Variants in STX8 observed in about 807,000 individuals in gnomAD.
The protein encoded by STX8 is syntaxin 8, also known as syntaxin-8.
STX8 carries 23 observed loss-of-function variants against 37.5 expected under a neutral mutation model. That is an observed-to-expected ratio of 0.61 (90% CI 0.44 to 0.87). The LOEUF is 0.87. STX8 is among the 40% of genes least tolerant of loss of function. The pLI, the probability that STX8 is intolerant of heterozygous loss-of-function variation, is 0.00. For synonymous variants in STX8, 115 were observed against 99.1 expected (o/e 1.16, Z -0.95); for missense variants, 313 against 284.7 (o/e 1.10, Z -0.71).
chr17:9,328,769 G>C (rs1343038640), intron 7 of STX8, among the ~76,000 whole-genome samples: 1 of 152,052 alleles, frequency 6.6e-6, no homozygotes, highest in African/African-American at 2.4e-5. Flanking sequence ...GGTGGCTGAG[G>C]CCGGATGCGG....
chr17:9,264,944 T>C (rs1357821090), intron 7 of STX8, among the ~76,000 whole-genome samples: 1 of 151,368 alleles, frequency 6.6e-6, no homozygotes, highest in Admixed American at 6.6e-5. Flanking sequence ...GGAGACCTCA[T>C]CTCTACAAAA....
At chr17:9,568,508 T>TC (rs763797260) in intron 1 of STX8, 38 bp from the exon 2 acceptor site, 6 of 1,558,472 alleles carry the variant, frequency 3.8e-6, no homozygotes, top group Admixed American at 3.5e-5. Context: ...TGTTTAAGGT[T>TC]CTTTTTTTTT....
intron 4 of STX8, among the ~76,000 whole-genome samples, chr17:9,544,468 A>T (rs945509382): frequency 2.0e-5 from 3 of 152,080 alleles, no homozygotes; most frequent in African/African-American, 7.2e-5. Context: ...GCCCCGGACC[A>T]GTCTTATTAG....
chr17:9,324,145 CACACACACACAA>C (rs899121666), intron 7 of STX8, among the ~76,000 whole-genome samples: 11 of 151,748 alleles, frequency 7.2e-5, no homozygotes, highest in Non-Finnish European at 1.3e-4. Context: ...CACACACACA[CACACACACACAA>C]ACACAAACAC....
chr17:9,418,745 T>C (rs1212317577), intron 6 of STX8, among the ~76,000 whole-genome samples: 3 of 140,294 alleles, frequency 2.1e-5, no homozygotes, highest in African/African-American at 7.9e-5. Context: ...GAGAATGGCA[T>C]GAACGTGGGA....
rs545248752 is a variant in STX8 at position 9,467,908 on chromosome 17, G to C, written c.541+23921C>G. ...GATCTTGAAGTAGTGGGAGCTATAG[G>C]ACAGATTCCAGTTGTTTTCAAACAA... On this transcript the variant is annotated intron_variant, in intron 6 of 7. Coordinates refer to ENST00000306357, the MANE Select transcript of STX8 (RefSeq NM_004853.3). Among the ~76,000 whole-genome samples, 25 of 152,272 alleles carry C rather than the reference G, an allele frequency of 1.6e-4. No homozygotes were observed. In the East Asian group the frequency reaches 4.8e-3, roughly 29 times the overall value.
chr17:9,281,231 G>A (rs79280959), intron 7 of STX8, among the ~76,000 whole-genome samples: 3,223 of 152,276 alleles, frequency 0.021, 52 homozygotes, highest in Middle Eastern at 0.037. Context: ...TCAAGGTGAG[G>A]CTGTGGGAAG....
chr17:9,269,059 C>T (rs560384492), intron 7 of STX8, among the ~76,000 whole-genome samples: 26 of 151,986 alleles, frequency 1.7e-4, no homozygotes, highest in East Asian at 1.9e-4. Flanking sequence ...TGGTGGCGGG[C>T]GCCTGTAGTC....
At chr17:9,448,124 G>A (rs1459620753) in intron 6 of STX8, among the ~76,000 whole-genome samples, 1 of 149,534 alleles carries the variant, frequency 6.7e-6, no homozygotes, top group Non-Finnish European at 1.5e-5. Context: ...GCAGTGAGCC[G>A]AGATTGTGCC....
At chr17:9,396,493 C>T (rs1912408142) in intron 6 of STX8, among the ~76,000 whole-genome samples, 4 of 151,918 alleles carry the variant, frequency 2.6e-5, no homozygotes. Context: ...GGCGGGTCAT[C>T]TGAGGTCAGG....
At chr17:9,424,467 CCT>C (rs1913553963) in intron 6 of STX8, among the ~76,000 whole-genome samples, 1 of 152,040 alleles carries the variant, frequency 6.6e-6, no homozygotes, top group African/African-American at 2.4e-5. Context: ...GCCTCCAGGC[CCT>C]CTCTCTGCCT....
chr17:9,490,845 C>T (rs557759356), intron 6 of STX8, among the ~76,000 whole-genome samples: 1 of 152,320 alleles, frequency 6.6e-6, no homozygotes, highest in East Asian at 1.9e-4. Context: ...CTCTGTCACT[C>T]ATAAGCGATG....
chr17:9,391,081 C>A (rs976906825), intron 6 of STX8, among the ~76,000 whole-genome samples: 4 of 152,046 alleles, frequency 2.6e-5, no homozygotes, highest in Admixed American at 2.6e-4. Context: ...ACAACCTACA[C>A]AGAAGAATAT....
At chr17:9,268,548 C>G (rs1202688353) in intron 7 of STX8, among the ~76,000 whole-genome samples, 1 of 152,184 alleles carries the variant, frequency 6.6e-6, no homozygotes, top group African/African-American at 2.4e-5. Context: ...AGTACTATCC[C>G]CAAACAATTC....
At chr17:9,423,833 G>A (rs1005550518) in intron 6 of STX8, among the ~76,000 whole-genome samples, 11 of 152,072 alleles carry the variant, frequency 7.2e-5, no homozygotes, top group African/African-American at 2.7e-4. Context: ...CTTTAAAGAC[G>A]CCGTCCATAT....
chr17:9,329,182 A>G (rs948428969), intron 7 of STX8, among the ~76,000 whole-genome samples: 1 of 152,094 alleles, frequency 6.6e-6, no homozygotes, highest in Non-Finnish European at 1.5e-5. Context: ...TTCCCACAGA[A>G]ACATTATGGC....
chr17:9,484,667 A>AG (rs1253776851), intron 6 of STX8, among the ~76,000 whole-genome samples: 7 of 150,680 alleles, frequency 4.6e-5, no homozygotes, highest in African/African-American at 1.7e-4. Flanking sequence ...AATACAAAAA[A>AG]AAAAAAAAAA....
intron 7 of STX8, among the ~76,000 whole-genome samples, chr17:9,335,395 G>A (rs1394218549): frequency 1.3e-5 from 2 of 152,200 alleles, no homozygotes; most frequent in African/African-American, 4.8e-5. Flanking sequence ...CCCACTTGGT[G>A]ATAACAGCAC....
intron 6 of STX8, among the ~76,000 whole-genome samples, chr17:9,408,693 T>C (rs1174999671): frequency 6.6e-6 from 1 of 152,020 alleles, no homozygotes; most frequent in Non-Finnish European, 1.5e-5. Context: ...ACAGGTTAAC[T>C]TTTTTCTTTA....
Sources: allele counts gnomAD v4.1 joint callset (sites outside exome capture counted in the v4.1 genomes callset), GRCh38; gene constraint gnomAD v4.1.1; transcripts MANE v1.5; gene names NCBI Gene and HGNC (gene_info 2026-07-23, HGNC 2026-07-21).